The following CALHM4 variants were observed in gnomAD, a reference collection of about 807,000 sequenced individuals.
CALHM4 encodes the protein calcium homeostasis modulator protein 4.
In CALHM4, 16 loss-of-function variants were observed where a neutral mutation model predicts 13.3. The ratio of observed to expected loss-of-function variants is 1.20; its 90% CI spans 0.81 to 1.82. The LOEUF is 1.82. CALHM4 is among the 40% of genes most tolerant of loss of function. The pLI is 0.00. For synonymous variants in CALHM4, 127 were observed against 137.1 expected (o/e 0.93, Z 0.52); for missense variants, 344 against 374.9 (o/e 0.92, Z 0.68).
intron 1 of CALHM4, among the ~76,000 whole-genome samples, chr6:116,542,651 G>A (rs983732167): frequency 6.6e-6 from 1 of 152,044 alleles, no homozygotes; most frequent in African/African-American, 2.4e-5. Context: ...AAAATCAAAA[G>A]GTGGAATTTG....
chr6:116,547,000 T>C (rs1401516080), intron 2 of CALHM4, among the ~76,000 whole-genome samples: 1 of 152,216 alleles, frequency 6.6e-6, no homozygotes, highest in Non-Finnish European at 1.5e-5. Flanking sequence ...GAAATAGTAC[T>C]GTAATCATGG....
chr6:116,555,776 C>A (rs1257055077), intron 1 of CALHM4, among the ~76,000 whole-genome samples: 2 of 152,134 alleles, frequency 1.3e-5, no homozygotes, highest in Admixed American at 6.5e-5. Flanking sequence ...TGTGAATTGA[C>A]CACAAAATCA....
chr6:116,558,297 T>C lies in CALHM4; in HGVS notation c.*86T>C, dbSNP rs1774435884. 1 of 1,344,500 alleles carries C rather than the reference T, an allele frequency of 7.4e-7. No homozygotes were observed. The highest frequency in any genetic ancestry group is 1.5e-5 in the South Asian group (1 of 66,324). The allele number at this position is 1,344,500 out of a possible 1,614,324, so 83.3% of individuals were successfully genotyped here. On this transcript the variant is annotated 3_prime_UTR_variant, in exon 2 of 2. Transcript: ENST00000368596. ...ATCAGGCCATTTCAATGTAATCTCT[T>C]CATCTTTTTCTTTCTCTCTGATATT...
In CALHM4 at chr6:116,542,165, C is replaced by T. The variant is rs1412057723; in HGVS notation, c.-108-1600C>T. Among the ~76,000 whole-genome samples the T allele has an allele frequency of 2.0e-5, 3 of 152,088 alleles. 1 individual carries two copies. The highest frequency in any genetic ancestry group is 4.1e-4 in the South Asian group (2 of 4,820). On this transcript the variant is annotated intron_variant, in intron 1 of 2. Transcript: ENST00000368597. ...TGTCAGATGTTTAAGTGTGAGCTAG[C>T]GTAAAATAACCTTAACATTCCTCAC...
chr6:116,532,398 G>A (rs536909878), intron 1 of CALHM4, among the ~76,000 whole-genome samples: 1 of 152,170 alleles, frequency 6.6e-6, no homozygotes, highest in Non-Finnish European at 1.5e-5. Context: ...CACCGCGCCC[G>A]GCCGGTTTTT....
At chr6:116,538,650 T>G (rs1486733814) in intron 1 of CALHM4, among the ~76,000 whole-genome samples, 1 of 152,176 alleles carries the variant, frequency 6.6e-6, no homozygotes, top group Non-Finnish European at 1.5e-5. Context: ...AGGTTTTATT[T>G]TCCACATTAT....
chr6:116,542,956 CT>C (rs1336385285), intron 1 of CALHM4, among the ~76,000 whole-genome samples: 2 of 152,128 alleles, frequency 1.3e-5, no homozygotes, highest in East Asian at 3.9e-4. Context: ...GAACAAAAGA[CT>C]TCTGAAAAGA....
At chr6:116,542,121 G>T (rs1304902844) in intron 1 of CALHM4, among the ~76,000 whole-genome samples, 1 of 152,068 alleles carries the variant, frequency 6.6e-6, no homozygotes, top group Non-Finnish European at 1.5e-5. Context: ...ATAAAATGAA[G>T]TAATTTCTGG....
rs1001838108 is a variant in CALHM4 at position 116,560,447 on chromosome 6, A to G, written c.*2236A>G. ...AACTCTTTTAGTGTATGATGTAAAA[A>G]TTTTATATTTTGAGCCAGTTAATCA... On this transcript the variant is annotated 3_prime_UTR_variant, in exon 2 of 2. Transcript: ENST00000368596. 2.0e-5 allele frequency among the ~76,000 whole-genome samples: 3 copies of G among 152,144 alleles called. No individual in the cohort carries two copies. Among genetic ancestry groups the G allele is most frequent in the African/African-American group, 4.8e-5 (2 of 41,438 alleles).
chr6:116,543,689 A>G (rs2352482), intron 1 of CALHM4: 13,005 of 804,642 alleles, frequency 0.016, 127 homozygotes, highest in Non-Finnish European at 0.022. Flanking sequence ...ATTTTCATGG[A>G]GGACAGTTTT....
Position 116,558,330 on chromosome 6 carries a change from G to T in CALHM4, c.*119G>T. On this transcript the variant is annotated 3_prime_UTR_variant, in exon 2 of 2. Transcript: ENST00000368596. Reference sequence around the variant, plus strand: ...TTCTTTCTCTCTGATATTTGTTTACGTAAGTCCATCTCAAATATTATTTCT... The same window carrying T: ...TTCTTTCTCTCTGATATTTGTTTACTTAAGTCCATCTCAAATATTATTTCT... 1 of 1,100,350 alleles carries T rather than the reference G, an allele frequency of 9.1e-7. No homozygotes were observed. Among genetic ancestry groups the T allele is most frequent in the Non-Finnish European group, 1.3e-6 (1 of 792,864 alleles). The allele number at this position is 1,100,350 out of a possible 1,614,324, so 68.2% of individuals were successfully genotyped here.
intron 2 of CALHM4, among the ~76,000 whole-genome samples, chr6:116,545,181 G>GA (rs1011915444): frequency 6.6e-6 from 1 of 151,048 alleles, no homozygotes; most frequent in Non-Finnish European, 1.5e-5. Flanking sequence ...GTATGAAATA[G>GA]AAAAAATTGC....
chr6:116,554,007 A>T lies in CALHM4; in HGVS notation c.214A>T (p.Ser72Cys). ...TCTCGTTGCTGGCTTTGCTCTGAGA[A>T]GCCAAATGTGGACAATTACCGGTGA... ...ILLVAGFALR[S>C]QMWTITGEYC... Residue 72 changes from serine to cysteine, a missense_variant, in exon 1 of 2, where the codon AGC becomes TGC. By Grantham distance (112) the Ser-to-Cys change is moderately radical. Coordinates refer to ENST00000368596, the MANE Select transcript of CALHM4 (RefSeq NM_001366078.2). The T allele has an allele frequency of 6.4e-7, 1 of 1,550,638 alleles. No homozygotes were observed. The highest frequency in any genetic ancestry group is 1.4e-5 in the African/African-American group (1 of 73,148).
chr6:116,536,073 T>C (rs904441433), intron 1 of CALHM4, among the ~76,000 whole-genome samples: 1 of 152,336 alleles, frequency 6.6e-6, no homozygotes, highest in African/African-American at 2.4e-5. Flanking sequence ...ATAATGCTGT[T>C]GACTTACAAA....
upstream of CALHM4, chr6:116,553,695 C>T: frequency 9.1e-7 from 1 of 1,104,766 alleles, no homozygotes; most frequent in Non-Finnish European, 1.3e-6. Flanking sequence ...TCACTTGACA[C>T]AACCAGTTAA....
chr6:116,548,717 T>C (rs1175660562), intron 2 of CALHM4, among the ~76,000 whole-genome samples: 1 of 152,220 alleles, frequency 6.6e-6, no homozygotes, highest in Non-Finnish European at 1.5e-5. Context: ...ATACCTCATG[T>C]ACCGAGCAGC....
intron 1 of CALHM4, among the ~76,000 whole-genome samples, chr6:116,554,675 C>T (rs1274642758): frequency 6.6e-6 from 1 of 151,946 alleles, no homozygotes; most frequent in Non-Finnish European, 1.5e-5. Context: ...AATATGATTT[C>T]TAGAATCTAT....
Position 116,554,367 on chromosome 6 carries a change from T to A in CALHM4, c.558+16T>A, listed in dbSNP as rs1774216658. 2.0e-6 allele frequency: 3 copies of A among 1,507,820 alleles called. No homozygotes were observed. Among genetic ancestry groups the A allele is most frequent in the East Asian group, 4.9e-5 (2 of 40,604 alleles). 93.4% of individuals were successfully genotyped at this position (1,507,820 alleles called of 1,614,324 possible). On this transcript the variant is annotated intron_variant, in intron 1 of 1. Transcript: ENST00000368596. ...CCAGTCACAGGTAAGTTTTTAGAAT[T>A]TTTTTCCCTCTGCTATGTTATCCTA... is the stretch of plus-strand genomic sequence containing the variant.
upstream of CALHM4, among the ~76,000 whole-genome samples, chr6:116,549,704 G>T (rs1014159141): frequency 1.3e-5 from 2 of 151,528 alleles, no homozygotes; most frequent in Non-Finnish European, 2.9e-5. Flanking sequence ...AGCCAGACGT[G>T]GTGGCTCACG....
Sources: allele counts gnomAD v4.1 joint callset (sites outside exome capture counted in the v4.1 genomes callset), GRCh38; gene constraint gnomAD v4.1.1; transcripts MANE v1.5; gene names NCBI Gene and HGNC (gene_info 2026-07-23, HGNC 2026-07-21).